The following ABCC1 variants were observed in gnomAD, a reference collection of about 807,000 sequenced individuals.
ABCC1 encodes ATP binding cassette subfamily C member 1 (ABCC1 blood group).
ABCC1 carries 83 observed loss-of-function variants against 172.9 expected under a neutral mutation model. The observed-to-expected ratio is 0.48, with a 90% confidence interval of 0.40 to 0.58. The LOEUF is 0.58. Ranked by LOEUF, ABCC1 falls within the 20% of genes least tolerant of loss-of-function variation. The pLI is 0.00. For synonymous variants in ABCC1, 937 were observed against 825.2 expected, an observed-to-expected ratio of 1.14 and a Z score of -2.32; for missense variants, 1,817 against 2,002.7, an observed-to-expected ratio of 0.91 and a Z score of 1.77.
intron 23 of ABCC1, among the ~76,000 whole-genome samples, chr16:16,121,764 C>T (rs531714552): frequency 8.5e-5 from 13 of 152,266 alleles, no homozygotes; most frequent in Middle Eastern, 3.4e-3. Flanking sequence ...TTTGTATAAG[C>T]GTGAGCTATT....
At chr16:16,113,415 A>G (rs559209525) in intron 22 of ABCC1, among the ~76,000 whole-genome samples, 2 of 152,296 alleles carry the variant, frequency 1.3e-5, no homozygotes, top group South Asian at 4.1e-4. Context: ...CAACACTTTG[A>G]GAGGCCAAGG....
intron 1 of ABCC1, among the ~76,000 whole-genome samples, chr16:15,989,446 GA>G (rs1410618815): frequency 6.6e-6 from 1 of 152,178 alleles, no homozygotes; most frequent in Non-Finnish European, 1.5e-5. Context: ...GTGGGGAAAT[GA>G]AGGCCACATG....
chr16:15,976,713 C>T (rs563394838), intron 1 of ABCC1, among the ~76,000 whole-genome samples: 1 of 152,280 alleles, frequency 6.6e-6, no homozygotes, highest in South Asian at 2.1e-4. Flanking sequence ...TGACAATAGC[C>T]ATAGTAGTGA....
intron 21 of ABCC1, among the ~76,000 whole-genome samples, chr16:16,109,373 T>A (rs1285916465): frequency 6.6e-6 from 1 of 152,000 alleles, no homozygotes; most frequent in Non-Finnish European, 1.5e-5. Context: ...GACAGGGTCT[T>A]ACTGTGTTTC....
intron 26 of ABCC1, among the ~76,000 whole-genome samples, chr16:16,129,054 C>T (rs967167736): frequency 2.0e-5 from 3 of 152,162 alleles, no homozygotes; most frequent in Non-Finnish European, 2.9e-5. Flanking sequence ...CTGTTCGCCC[C>T]GTTCCTCTCC....
chr16:15,982,803 C>CGAAAAAAAAAAAAAA (rs2046653126), intron 1 of ABCC1, among the ~76,000 whole-genome samples: 1 of 43,212 alleles, frequency 2.3e-5, no homozygotes, highest in African/African-American at 8.4e-5. Flanking sequence ...GAGACGCTGT[C>CGAAAAAAAAAAAAAA]AAAAAAAAAA....
intron 14 of ABCC1, among the ~76,000 whole-genome samples, chr16:16,075,698 C>T (rs115455394): frequency 1.3e-5 from 2 of 152,198 alleles, no homozygotes; most frequent in Non-Finnish European, 2.9e-5. Flanking sequence ...CTTCCCTGTG[C>T]CCTCGTACCA....
At chr16:15,981,705 C>T (rs961674797) in intron 1 of ABCC1, among the ~76,000 whole-genome samples, 1 of 152,116 alleles carries the variant, frequency 6.6e-6, no homozygotes, top group Non-Finnish European at 1.5e-5. Context: ...TCTGACATGC[C>T]CTGGAGACAT....
At chr16:15,985,260 G>A (rs215066) in intron 1 of ABCC1, among the ~76,000 whole-genome samples, 16,190 of 152,186 alleles carry the variant, frequency 0.11, 1,243 homozygotes, top group African/African-American at 0.22. Flanking sequence ...GAAATGCCCT[G>A]GGAGGGCAGA....
Position 16,045,993 on chromosome 16 carries a change from A to G in ABCC1, c.1198A>G (p.Ile400Val). The change falls in exon 9 of 31, where the codon ATT (isoleucine) becomes GTT (valine). Residue 400 changes from isoleucine to valine, a missense_variant. Physicochemically the swap from Ile to Val is conservative, Grantham distance 29 (BLOSUM62 3). Around this residue, in one of 3 missense-constraint regions of ABCC1, gnomAD observed 1,412 missense variants for 1,600.3 expected, o/e 0.88. Transcript: ENST00000399410. ...VSGMRIKTAV[I>V]GAVYRKALVI... ...TGGCATGAGGATCAAGACCGCTGTC[A>G]TTGGGGCTGTCTATCGGAAGGTAGG... 2 of 1,614,166 alleles carry G rather than the reference A, an allele frequency of 1.2e-6. No homozygotes were observed. The highest frequency in any genetic ancestry group is 1.1e-5 in the South Asian group (1 of 91,074).
intron 24 of ABCC1, among the ~76,000 whole-genome samples, chr16:16,124,131 T>G (rs1393051975): frequency 2.0e-5 from 3 of 152,230 alleles, no homozygotes. Context: ...CAATGATGTT[T>G]ACTCGTACTA....
At chr16:16,075,070 G>T (rs1300244029) in intron 14 of ABCC1, among the ~76,000 whole-genome samples, 1 of 150,690 alleles carries the variant, frequency 6.6e-6, no homozygotes, top group Non-Finnish European at 1.5e-5. Flanking sequence ...TCAGACTCCC[G>T]AGTAGCTGGG....
intron 7 of ABCC1, among the ~76,000 whole-genome samples, chr16:16,039,239 ATGTGTGTG>A (rs71137905): frequency 1.7e-5 from 2 of 119,576 alleles, no homozygotes; most frequent in African/African-American, 3.2e-5. Context: ...GTGTGTATGT[ATGTGTGTG>A]TGTGTGTGTG....
chr16:16,136,284 A>G lies in ABCC1; in HGVS notation c.4126-194A>G, dbSNP rs748039789. The stretch of plus-strand genomic sequence containing the variant: ...AGTGATCCACTCGCCTCGGCCTGCC[A>G]AAGTGCTGGGATTACAGGCGTGAAC... On this transcript the variant is annotated intron_variant, in intron 28 of 30. Coordinates refer to ENST00000399410, the MANE Select transcript of ABCC1 (RefSeq NM_004996.4). Among the ~76,000 whole-genome samples, 143 of 152,238 alleles carry G rather than the reference A, an allele frequency of 9.4e-4. 1 individual carries two copies. Among genetic ancestry groups the G allele is most frequent in the Non-Finnish European group, 1.8e-4 (12 of 68,026 alleles).
intron 23 of ABCC1, among the ~76,000 whole-genome samples, chr16:16,119,497 C>T (rs902190202): frequency 6.6e-6 from 1 of 151,908 alleles, no homozygotes; most frequent in Admixed American, 6.6e-5. Flanking sequence ...TTGAGACCAG[C>T]CTGGCCAACA....
In ABCC1 at chr16:15,953,442, C is replaced by T. The variant is rs570969366; in HGVS notation, c.48+3643C>T. ...ATAGTGTGGTGGCTCAGAGCAAATT[C>T]GCCTCTGCTGCTGAGGCAGGTTACG... is the stretch of plus-strand genomic sequence containing the variant. On this transcript the variant is annotated intron_variant, in intron 1 of 30. Transcript: ENST00000399410. Among the ~76,000 whole-genome samples, 11 of 152,216 alleles carry T rather than the reference C, an allele frequency of 7.2e-5. No individual in the cohort carries two copies. In the South Asian group the frequency reaches 1.5e-3, roughly 20 times the overall value.
At chr16:16,070,369 A>C (rs1484491283) in intron 13 of ABCC1, among the ~76,000 whole-genome samples, 4 of 145,920 alleles carry the variant, frequency 2.7e-5, no homozygotes, top group African/African-American at 1.0e-4. Context: ...CTCTGTCTCA[A>C]ATAAAGAAAC....
At chr16:15,965,642 G>A (rs1440731614) in intron 1 of ABCC1, among the ~76,000 whole-genome samples, 1 of 151,932 alleles carries the variant, frequency 6.6e-6, no homozygotes, top group Non-Finnish European at 1.5e-5. Context: ...CCATCACCCA[G>A]GCTGGAGTGC....
chr16:16,009,750 A>G (rs1438572980), intron 2 of ABCC1, 26 bp from the exon 3 acceptor site: 1 of 1,589,344 alleles, frequency 6.3e-7, no homozygotes, highest in Non-Finnish European at 8.6e-7. Flanking sequence ...GGTCTGTTGT[A>G]GGATATGTAT....
Sources: allele counts gnomAD v4.1 joint callset (sites outside exome capture counted in the v4.1 genomes callset), GRCh38; gene constraint gnomAD v4.1.1; regional missense constraint gnomAD v4.1.1; transcripts MANE v1.5; gene names NCBI Gene and HGNC (gene_info 2026-07-23, HGNC 2026-07-21).